ARPC2: variants seen among roughly 807,000 people sequenced by gnomAD.
ARPC2 encodes the protein actin related protein 2/3 complex subunit 2.
Under a neutral mutation model 38.6 loss-of-function variants are expected in ARPC2, and 4 were observed. The observed-to-expected ratio is 0.10, with a 90% CI of 0.05 to 0.24. The LOEUF (loss-of-function observed/expected upper bound fraction) is 0.24. Among genes scored for constraint, ARPC2 ranks in the 10% least tolerant of loss-of-function variants. ARPC2 has a pLI of 1.00. For missense variants in ARPC2, 229 were observed against 387.3 expected, an observed-to-expected ratio of 0.59 and a Z score of 3.43; for synonymous variants, 125 against 140.8, an observed-to-expected ratio of 0.89 and a Z score of 0.79.
intron 7 of ARPC2, chr2:218,239,712 A>C (rs769130786): frequency 2.1e-6 from 1 of 480,334 alleles, no homozygotes; most frequent in Non-Finnish European, 3.7e-6. Context: ...TCCTGCCTCA[A>C]CCTCCTGAGT....
chr2:218,248,031 C>G (rs1043682770), intron 8 of ARPC2, among the ~76,000 whole-genome samples: 17 of 151,700 alleles, frequency 1.1e-4, no homozygotes, highest in African/African-American at 4.1e-4. Flanking sequence ...CCACTCACTT[C>G]AGCCTCCCAA....
chr2:218,217,613 T>C, intron 2 of ARPC2, 69 bp downstream of exon 2: 2 of 1,448,374 alleles, frequency 1.4e-6, no homozygotes, highest in Non-Finnish European at 1.9e-6. Flanking sequence ...CCCAATGTTG[T>C]CCAGTCCCCC....
At chr2:218,238,371 A>C (rs984487284) in intron 5 of ARPC2, among the ~76,000 whole-genome samples, 2 of 152,180 alleles carry the variant, frequency 1.3e-5, no homozygotes, top group African/African-American at 4.8e-5. Context: ...TTTGATACTG[A>C]TTCAAATTTT....
intron 5 of ARPC2, among the ~76,000 whole-genome samples, chr2:218,238,281 A>G (rs923502471): frequency 6.6e-6 from 1 of 152,096 alleles, no homozygotes; most frequent in African/African-American, 2.4e-5. Context: ...CTCCTTTACA[A>G]CTGTGTCTAG....
chr2:218,234,514 A>C, intron 5 of ARPC2, 117 bp downstream of exon 5: 1 of 861,388 alleles, frequency 1.2e-6, no homozygotes, highest in Non-Finnish European at 1.8e-6. Flanking sequence ...TTTCTGCATG[A>C]GCCCATTCCT....
chr2:218,239,296 T>C, intron 6 of ARPC2, 95 bp from the exon 7 acceptor site: 1 of 857,392 alleles, frequency 1.2e-6, no homozygotes, highest in East Asian at 2.5e-5. Context: ...TTAAGAGATT[T>C]ATGACTTTAG....
At chr2:218,235,235 C>G (rs577607613) in intron 5 of ARPC2, 1 of 212,846 alleles carries the variant, frequency 4.7e-6, no homozygotes, top group African/African-American at 2.3e-5. Flanking sequence ...TGCAGTGGTA[C>G]AGTCATAGCT....
intron 5 of ARPC2, among the ~76,000 whole-genome samples, chr2:218,237,304 A>G (rs1244964791): frequency 6.6e-6 from 1 of 151,996 alleles, no homozygotes; most frequent in Admixed American, 6.6e-5. Context: ...GGTTCAAGCA[A>G]TTCTCCTGCC....
chr2:218,218,098 T>G (rs1433866818), intron 2 of ARPC2, among the ~76,000 whole-genome samples: 3 of 152,168 alleles, frequency 2.0e-5, no homozygotes, highest in South Asian at 2.1e-4. Flanking sequence ...AAACGCGATC[T>G]CTGGTTTCCC....
intron 4 of ARPC2, among the ~76,000 whole-genome samples, chr2:218,230,276 C>CTTTTT (rs1404910498): frequency 9.8e-5 from 11 of 112,462 alleles, no homozygotes; most frequent in African/African-American, 3.2e-4. Context: ...CCAGCCTTTT[C>CTTTTT]TTTTTTTTTT....
At chr2:218,246,321 G>A (rs139687414) in intron 8 of ARPC2, among the ~76,000 whole-genome samples, 5,130 of 151,932 alleles carry the variant, frequency 0.034, 88 homozygotes, top group Non-Finnish European at 0.037. Context: ...TCAGGAGTTC[G>A]AGACCAGCCT....
intron 2 of ARPC2, among the ~76,000 whole-genome samples, chr2:218,225,195 A>C (rs563451592): frequency 6.6e-6 from 1 of 152,274 alleles, no homozygotes; most frequent in East Asian, 1.9e-4. Context: ...GTGTAAGGGT[A>C]TTTGTCCCAA....
intron 3 of ARPC2, among the ~76,000 whole-genome samples, chr2:218,226,529 C>T (rs953404737): frequency 3.4e-5 from 5 of 148,724 alleles, no homozygotes; most frequent in Non-Finnish European, 5.9e-5. Flanking sequence ...CTCCGGAGGC[C>T]GAGGCAGGAG....
intron 8 of ARPC2, among the ~76,000 whole-genome samples, 198 bp from the exon 9 acceptor site, chr2:218,249,166 T>C (rs1023343336): frequency 1.3e-5 from 2 of 152,146 alleles, no homozygotes; most frequent in Admixed American, 1.3e-4. Context: ...GCTCCTCCAT[T>C]CACGCTCGTT....
intron 2 of ARPC2, 139 bp downstream of exon 2, chr2:218,217,683 G>A: frequency 1.1e-6 from 1 of 913,426 alleles, no homozygotes; most frequent in East Asian, 2.7e-5. Flanking sequence ...CAGCGGGGTA[G>A]ACGTGGGAGG....
At chr2:218,230,285 TTC>T (rs373484626) in intron 4 of ARPC2, among the ~76,000 whole-genome samples, 25 of 140,730 alleles carry the variant, frequency 1.8e-4, no homozygotes, top group African/African-American at 4.2e-4. Context: ...TCTTTTTTTT[TTC>T]TTTTTTTTTT....
At chr2:218,232,590 G>C (rs1689663041) in intron 4 of ARPC2, among the ~76,000 whole-genome samples, 1 of 117,020 alleles carries the variant, frequency 8.5e-6, no homozygotes, top group African/African-American at 3.4e-5. Context: ...GTCTTGCTCT[G>C]TCACCCGGGC....
Position 218,239,469 on chromosome 2 carries a change from A to C in ARPC2, c.534A>C (p.Gly178=). 4 of 1,613,898 alleles carry C rather than the reference A, an allele frequency of 2.5e-6. No individual in the cohort carries two copies. The highest frequency in any genetic ancestry group is 3.4e-6 in the Non-Finnish European group (4 of 1,179,760). The part of the protein sequence containing the change: ...VFKDDDDVVI[G]KVFMQEFKEG... ...AGGATGACGACGATGTGGTCATTGG[A>C]AAGGTGTTCATGCAGGTATGGAGCA... The change falls in exon 7 of 11, where the codon GGA becomes GGC. Residue 178 remains glycine, a synonymous_variant. Coordinates refer to ENST00000315717, the MANE Select transcript of ARPC2 (RefSeq NM_152862.3).
chr2:218,243,448 G>C (rs1202328846), intron 7 of ARPC2, among the ~76,000 whole-genome samples: 1 of 152,188 alleles, frequency 6.6e-6, no homozygotes, highest in Non-Finnish European at 1.5e-5. Context: ...ATTTAGGAGA[G>C]AGAACTGAGG....
Sources: allele counts gnomAD v4.1 joint callset (sites outside exome capture counted in the v4.1 genomes callset), GRCh38; gene constraint gnomAD v4.1.1; transcripts MANE v1.5; gene names NCBI Gene and HGNC (gene_info 2026-07-23, HGNC 2026-07-21).